Variants in ADAMTSL1 observed in about 807,000 individuals in gnomAD.
ADAMTSL1 encodes the protein ADAMTS like 1, also known as ADAMTS-like protein 1.
A neutral mutation model predicts 201.8 loss-of-function variants in ADAMTSL1; 126 were observed. That is an observed-to-expected ratio of 0.62 (90% CI 0.54 to 0.72). ADAMTSL1 has a LOEUF of 0.72. ADAMTSL1 is among the 30% of genes least tolerant of loss of function. ADAMTSL1 has a pLI of 0.00. For synonymous variants in ADAMTSL1, 1,121 were observed against 903.4 expected (o/e 1.24, Z -4.32); for missense variants, 2,679 against 2,277.8 (o/e 1.18, Z -3.59).
intron 2 of ADAMTSL1, among the ~76,000 whole-genome samples, chr9:18,217,815 C>T (rs1482454918): frequency 6.6e-6 from 1 of 152,064 alleles, no homozygotes; most frequent in Non-Finnish European, 1.5e-5. Context: ...TTGTTCACCA[C>T]AGAAAAGGCA....
At chr9:18,807,145 T>C (rs1343728089) in intron 20 of ADAMTSL1, among the ~76,000 whole-genome samples, 1 of 152,232 alleles carries the variant, frequency 6.6e-6, no homozygotes, top group African/African-American at 2.4e-5. Context: ...CGCTTGCCTT[T>C]ATTTCGGTTT....
intron 1 of ADAMTSL1, among the ~76,000 whole-genome samples, chr9:17,966,350 A>G (rs1817977383): frequency 6.6e-6 from 1 of 152,166 alleles, no homozygotes; most frequent in African/African-American, 2.4e-5. Context: ...AAAACCACAG[A>G]AATCAAATAT....
intron 2 of ADAMTSL1, among the ~76,000 whole-genome samples, chr9:18,203,218 A>G (rs1327389208): frequency 1.3e-5 from 2 of 151,976 alleles, no homozygotes; most frequent in African/African-American, 2.4e-5. Context: ...ATCCAGCTGC[A>G]CTCTAGCCCT....
intron 2 of ADAMTSL1, among the ~76,000 whole-genome samples, chr9:18,517,177 C>A (rs1047647748): frequency 6.6e-6 from 1 of 152,116 alleles, no homozygotes; most frequent in African/African-American, 2.4e-5. Context: ...AACCTTATGG[C>A]ATGTGTGTGT....
chr9:18,702,788 A>T (rs552475987), intron 13 of ADAMTSL1, among the ~76,000 whole-genome samples: 47 of 151,636 alleles, frequency 3.1e-4, no homozygotes, highest in African/African-American at 9.7e-4. Context: ...TTCAAGCCGG[A>T]GTCTCACTCT....
chr9:18,622,428 G>A (rs757340532), intron 5 of ADAMTSL1, 59 bp downstream of exon 5: 1 of 1,609,538 alleles, frequency 6.2e-7, no homozygotes, highest in Non-Finnish European at 8.5e-7. Context: ...TCCTGGCTTA[G>A]GTCTGGCCCC....
intron 2 of ADAMTSL1, among the ~76,000 whole-genome samples, chr9:18,344,769 G>A (rs746231767): frequency 5.9e-5 from 9 of 152,110 alleles, no homozygotes; most frequent in Non-Finnish European, 1.0e-4. Flanking sequence ...GGTGGAGGTG[G>A]AAACATCAGT....
At chr9:18,776,136 T>C (rs1278842773) in intron 18 of ADAMTSL1, among the ~76,000 whole-genome samples, 8 of 152,170 alleles carry the variant, frequency 5.3e-5, no homozygotes, top group Admixed American at 5.2e-4. Context: ...TAGAGCAAAG[T>C]TCACTTGCTG....
intron 2 of ADAMTSL1, among the ~76,000 whole-genome samples, chr9:18,292,612 A>T (rs1366926458): frequency 6.6e-6 from 1 of 152,154 alleles, no homozygotes; most frequent in African/African-American, 2.4e-5. Context: ...GCAGGAGAAG[A>T]TGGAAGAGCA....
chr9:18,171,772 G>T (rs1372100286), intron 2 of ADAMTSL1, among the ~76,000 whole-genome samples: 1 of 151,986 alleles, frequency 6.6e-6, no homozygotes, highest in East Asian at 1.9e-4. Context: ...TGTCCTGAAT[G>T]GTATTACCTA....
chr9:18,782,312 G>C (rs975943442), intron 19 of ADAMTSL1, among the ~76,000 whole-genome samples: 1 of 152,272 alleles, frequency 6.6e-6, no homozygotes, highest in South Asian at 2.1e-4. Flanking sequence ...ACATCGACTT[G>C]CTGGAAATAT....
At chr9:18,018,548 C>T (rs553731698) in intron 1 of ADAMTSL1, among the ~76,000 whole-genome samples, 3 of 152,020 alleles carry the variant, frequency 2.0e-5, no homozygotes, top group Non-Finnish European at 4.4e-5. Flanking sequence ...CTCACTCACC[C>T]TTTGATTGAT....
intron 2 of ADAMTSL1, among the ~76,000 whole-genome samples, chr9:18,324,185 A>C (rs1442822952): frequency 1.3e-5 from 2 of 152,196 alleles, no homozygotes; most frequent in Middle Eastern, 3.2e-3. Context: ...CTTTTTACAA[A>C]ATCATCAAGT....
intron 2 of ADAMTSL1, among the ~76,000 whole-genome samples, chr9:18,444,916 A>G (rs1045031073): frequency 1.3e-5 from 2 of 152,132 alleles, no homozygotes; most frequent in African/African-American, 4.8e-5. Context: ...CCCTTTTCTA[A>G]GTATTTAGCA....
intron 2 of ADAMTSL1, among the ~76,000 whole-genome samples, chr9:18,507,861 C>A (rs1050933856): frequency 1.3e-5 from 2 of 152,122 alleles, no homozygotes; most frequent in African/African-American, 4.8e-5. Flanking sequence ...CCAGGGGAGA[C>A]CTTATCCTAA....
At chr9:18,862,269 G>A (rs1433829) in intron 23 of ADAMTSL1, among the ~76,000 whole-genome samples, 98,602 of 151,974 alleles carry the variant, frequency 0.65, 32,884 homozygotes, top group African/African-American at 0.81. Flanking sequence ...TTCTTTTGCA[G>A]AGGCTCTCAC....
chr9:18,235,002 G>C (rs938937075), intron 2 of ADAMTSL1, among the ~76,000 whole-genome samples: 1 of 152,176 alleles, frequency 6.6e-6, no homozygotes, highest in African/African-American at 2.4e-5. Flanking sequence ...TTCCAATACT[G>C]TGGTACATTT....
intron 1 of ADAMTSL1, among the ~76,000 whole-genome samples, chr9:18,047,627 G>A (rs2131654565): frequency 6.6e-6 from 1 of 152,130 alleles, no homozygotes; most frequent in East Asian, 1.9e-4. Flanking sequence ...GGTGGGGTGG[G>A]GTGATGACAC....
At chr9:17,923,233 G>C (rs1324249377) in intron 1 of ADAMTSL1, among the ~76,000 whole-genome samples, 3 of 145,112 alleles carry the variant, frequency 2.1e-5, no homozygotes, top group African/African-American at 5.1e-5. Context: ...ACCTTGGGCA[G>C]TATGGCCATT....
Sources: gnomAD v4.1 joint callset for allele counts (sites outside exome capture counted in the v4.1 genomes callset) on GRCh38, gnomAD v4.1.1 for gene constraint, MANE v1.5 for transcripts, NCBI Gene and HGNC (gene_info 2026-07-23, HGNC 2026-07-21) for gene names.